Variants in DNAH17 observed in about 807,000 individuals in gnomAD.
The protein encoded by DNAH17 is dynein axonemal heavy chain 17.
Under a neutral mutation model 485.6 loss-of-function variants are expected in DNAH17, and 376 were observed. The ratio of observed to expected loss-of-function variants is 0.77; its 90% confidence interval spans 0.71 to 0.84. The LOEUF (loss-of-function observed/expected upper bound fraction) is 0.84, where lower values mean the gene tolerates loss of function less well. Among genes scored for constraint, DNAH17 ranks in the 40% least tolerant of loss-of-function variants. The pLI is 0.00. For synonymous variants in DNAH17, 3,031 were observed against 2,405.9 expected (o/e 1.26, Z -7.60); for missense variants, 6,370 against 5,839.3 (o/e 1.09, Z -2.96).
intron 75 of DNAH17, among the ~76,000 whole-genome samples, chr17:78,432,482 T>C (rs1456268999): frequency 6.6e-6 from 1 of 152,244 alleles, no homozygotes; most frequent in Non-Finnish European, 1.5e-5. Flanking sequence ...GGCCCAGTTC[T>C]GCTCCCTGCT....
chr17:78,500,294 C>T lies in DNAH17; in HGVS notation c.5640+11G>A, dbSNP rs758995060. The T allele has an allele frequency of 2.6e-5, 41 of 1,605,478 alleles. No homozygotes were observed. The highest frequency in any genetic ancestry group is 1.7e-4 in the Middle Eastern group (1 of 6,052). On this transcript the variant is annotated intron_variant, in intron 36 of 80. Coordinates refer to ENST00000389840, the MANE Select transcript of DNAH17 (RefSeq NM_173628.4). Reference sequence around the variant, plus strand: ...GACTCTGGGTCCCTCCTCCGGACCCCGGCCGCGTACCTTGTAGTCCATCTG... The same window carrying T: ...GACTCTGGGTCCCTCCTCCGGACCCTGGCCGCGTACCTTGTAGTCCATCTG...
In DNAH17 at chr17:78,486,213, A is replaced by G. The variant is rs1328403314; in HGVS notation, c.7101+11T>C. The G allele has an allele frequency of 5.0e-6, 8 of 1,587,102 alleles. No homozygotes were observed. Among genetic ancestry groups the G allele is most frequent in the Non-Finnish European group, 6.0e-6 (7 of 1,164,812 alleles). On this transcript the variant is annotated intron_variant, in intron 45 of 80. Transcript: ENST00000389840. ...CCCTGTGTGGGTGGCCGGGCCCCCC[A>G]GGTGCATCACCTGGTCCTGGAACAT...
chr17:78,507,536 G>C lies in DNAH17; in HGVS notation c.4506C>G (p.Ile1502Met). 6.2e-7 allele frequency: 1 copy of C among 1,614,048 alleles called. No homozygotes were observed. Among genetic ancestry groups the C allele is most frequent in the Non-Finnish European group, 8.5e-7 (1 of 1,179,904 alleles). Residue 1502 changes from isoleucine to methionine, a missense_variant, in exon 28 of 81, where the codon ATC becomes ATG. By Grantham distance (10) the Ile-to-Met change is conservative (BLOSUM62 1). Transcript: ENST00000389840. ...VQRTWSHLESIFIGSEDIRTQ... is the reference protein window; with the variant it reads ...VQRTWSHLESMFIGSEDIRTQ... ...TGCGGATGTCTTCGGAGCCGATGAA[G>C]ATGCTCTCCAGGTGGCTCCAGGTTC...
chr17:78,481,061 C>T (rs1255813520), intron 48 of DNAH17, among the ~76,000 whole-genome samples: 1 of 129,958 alleles, frequency 7.7e-6, no homozygotes, highest in African/African-American at 2.9e-5. Context: ...TCCCAAAGTG[C>T]TGAGATTACA....
Position 78,507,738 on chromosome 17 carries a change from C to A in DNAH17, c.4304G>T (p.Gly1435Val). The A allele has an allele frequency of 6.2e-7, 1 of 1,603,448 alleles. No individual in the cohort carries two copies. Among genetic ancestry groups the A allele is most frequent in the Non-Finnish European group, 8.5e-7 (1 of 1,178,936 alleles). Residue 1435 changes from glycine (G) to valine (V), a missense_variant, in exon 28 of 81, where the codon GGC becomes GTC. Coordinates refer to ENST00000389840, the MANE Select transcript of DNAH17 (RefSeq NM_173628.4). ...CTCGCTGGACTTGAGCATCATGGTG[C>A]CTGTCCGCGGGTGCGGCTCGTGCTG... The part of the protein sequence containing the change: ...EFQHEPHPRT[G>V]TMMLKSSEVL...
In DNAH17 at chr17:78,507,496, C is replaced by T. The variant is rs1268863358; in HGVS notation, c.4546G>A (p.Asp1516Asn). 7 of 1,612,840 alleles carry T rather than the reference C, an allele frequency of 4.3e-6. No homozygotes were observed. The highest frequency in any genetic ancestry group is 3.3e-5 in the South Asian group (3 of 91,074). ...SEDIRTQLPG[D>N]SQRFDDINQE... Reference sequence around the variant, plus strand: ...TTGATGTCGTCAAAGCGCTGGGAGTCCCCCGGGAGCTGGGTGCGGATGTCT... The same window carrying T: ...TTGATGTCGTCAAAGCGCTGGGAGTTCCCCGGGAGCTGGGTGCGGATGTCT... The change falls in exon 28 of 81, where the codon GAC becomes AAC. Residue 1516 changes from aspartate to asparagine, a missense_variant. Coordinates refer to ENST00000389840, the MANE Select transcript of DNAH17 (RefSeq NM_173628.4).
rs1178607341 is a variant in DNAH17 at position 78,479,525 on chromosome 17, A to G, written c.7860T>C (p.Ala2620=). The G allele has an allele frequency of 1.2e-6, 2 of 1,613,278 alleles. No individual in the cohort carries two copies. Among genetic ancestry groups the G allele is most frequent in the Non-Finnish European group, 1.7e-6 (2 of 1,179,808 alleles). ...CCAGCTGGCTGCTTATCCTCTGGAT[A>G]GCCATGGAGACCGAGCGGAAGGCCA... is the stretch of plus-strand genomic sequence containing the variant. ...QHLAFRSVSM[A]IQRISSQLVA... Residue 2620 remains alanine (A), a synonymous_variant, in exon 50 of 81, where the codon GCT becomes GCC. Coordinates refer to ENST00000389840, the MANE Select transcript of DNAH17 (RefSeq NM_173628.4).
intron 71 of DNAH17, among the ~76,000 whole-genome samples, chr17:78,444,322 G>A (rs1017239129): frequency 1.3e-5 from 2 of 152,126 alleles, no homozygotes; most frequent in African/African-American, 4.8e-5. Context: ...GGTTAGCGGG[G>A]GACAAGGGGT....
At chr17:78,465,499 G>A (rs1428414844) in intron 56 of DNAH17, among the ~76,000 whole-genome samples, 1 of 20,620 alleles carries the variant, frequency 4.8e-5, no homozygotes, top group African/African-American at 7.2e-5. Context: ...ACCTCTTCCC[G>A]GCCGCCATCA....
chr17:78,552,377 G>A (rs2091921146), intron 15 of DNAH17, among the ~76,000 whole-genome samples: 1 of 152,180 alleles, frequency 6.6e-6, no homozygotes, highest in Non-Finnish European at 1.5e-5. Flanking sequence ...CACCAGCTGT[G>A]CATGCTCTGT....
At chr17:78,472,156 C>T (rs1018580870) in intron 54 of DNAH17, among the ~76,000 whole-genome samples, 2 of 152,336 alleles carry the variant, frequency 1.3e-5, no homozygotes, top group East Asian at 3.9e-4. Flanking sequence ...CCTTTCCTTG[C>T]CATAGCCAAT....
At chr17:78,528,312 G>A (rs1020610201) in intron 22 of DNAH17, among the ~76,000 whole-genome samples, 7 of 152,308 alleles carry the variant, frequency 4.6e-5, no homozygotes, top group East Asian at 3.9e-4. Context: ...CCAGGCTAGA[G>A]TCCAGTGGTA....
chr17:78,462,492 G>A (rs947985760), intron 57 of DNAH17, among the ~76,000 whole-genome samples: 33 of 152,142 alleles, frequency 2.2e-4, no homozygotes, highest in African/African-American at 7.7e-4. Flanking sequence ...AGGTTTTTGA[G>A]CCAGGCCCCA....
At chr17:78,474,298 C>CTGTGTAGGA (rs1461244209) in intron 54 of DNAH17, among the ~76,000 whole-genome samples, 1 of 152,242 alleles carries the variant, frequency 6.6e-6, no homozygotes, top group East Asian at 1.9e-4. Context: ...GAAGGCATGG[C>CTGTGTAGGA]CGTGTAGGAC....
chr17:78,558,363 G>A (rs2092074003), intron 13 of DNAH17, 109 bp from the exon 14 acceptor site: 2 of 1,345,814 alleles, frequency 1.5e-6, no homozygotes, highest in Non-Finnish European at 2.0e-6. Context: ...CAGCCGGGGG[G>A]GATCTCAAAG....
At chr17:78,574,671 G>T (rs752483024) in intron 2 of DNAH17, 42 bp downstream of exon 2, 1 of 1,531,220 alleles carries the variant, frequency 6.5e-7, no homozygotes, top group Non-Finnish European at 8.8e-7. Context: ...CCGAGAAGTC[G>T]GTCGTGCTCG....
intron 19 of DNAH17, among the ~76,000 whole-genome samples, chr17:78,536,669 A>C (rs923317074): frequency 6.6e-6 from 1 of 152,002 alleles, no homozygotes; most frequent in South Asian, 2.1e-4. Context: ...TGACAGAGTG[A>C]GACCTTGTCT....
At position 78,576,589 on chromosome 17, in the gene DNAH17, G is replaced by A. The variant is rs73999137; in HGVS notation, c.-26+706C>T. 3.9e-4 allele frequency among the ~76,000 whole-genome samples: 60 copies of A among 152,232 alleles called. 2 individuals carry two copies. In the South Asian group the frequency reaches 0.012, roughly 31 times the overall value. Reference sequence around the variant, plus strand: ...TCTCCACCCAGGATCTCCGAGACCCGGGGACGCGTCACGTCGTCATTTCCT... The same window carrying A: ...TCTCCACCCAGGATCTCCGAGACCCAGGGACGCGTCACGTCGTCATTTCCT... On this transcript the variant is annotated intron_variant, in intron 1 of 80. Coordinates refer to ENST00000389840, the MANE Select transcript of DNAH17 (RefSeq NM_173628.4).
chr17:78,572,916 G>A (rs2092380726), intron 2 of DNAH17, 22 bp from the exon 3 acceptor site: 9 of 1,604,418 alleles, frequency 5.6e-6, no homozygotes, highest in Admixed American at 5.1e-5. Flanking sequence ...CACTTCTGTG[G>A]TTCCGCCCCC....
Sources: allele counts gnomAD v4.1 joint callset (sites outside exome capture counted in the v4.1 genomes callset), GRCh38; gene constraint gnomAD v4.1.1; transcripts MANE v1.5; gene names NCBI Gene and HGNC (gene_info 2026-07-23, HGNC 2026-07-21).